Variants in ZNF385D observed in about 807,000 individuals in gnomAD.
ZNF385D encodes zinc finger protein 659.
ZNF385D carries 15 observed loss-of-function variants against 35.8 expected under a neutral mutation model. That is an observed-to-expected ratio of 0.42 (90% CI 0.28 to 0.64). ZNF385D has a LOEUF of 0.64. ZNF385D is among the 30% of genes least tolerant of loss of function. The pLI, the probability that ZNF385D is intolerant of heterozygous loss-of-function variation, is 0.23. For missense variants in ZNF385D, 474 were observed against 494.6 expected, an observed-to-expected ratio of 0.96 and a Z score of 0.39; for synonymous variants, 212 against 186.8, an observed-to-expected ratio of 1.13 and a Z score of -1.10.
At chr3:21,983,333 G>T (rs1694617555) in intron 3 of ZNF385D, among the ~76,000 whole-genome samples, 1 of 99,228 alleles carries the variant, frequency 1.0e-5, no homozygotes, top group Admixed American at 1.3e-4. Flanking sequence ...CCACACCACA[G>T]TCCCCAGAGT....
chr3:22,020,642 T>C (rs1279924806), intron 3 of ZNF385D, among the ~76,000 whole-genome samples: 3 of 152,014 alleles, frequency 2.0e-5, no homozygotes, highest in Admixed American at 6.6e-5. Context: ...TTGGTGAGGA[T>C]GCCAAGAAAA....
intron 2 of ZNF385D, among the ~76,000 whole-genome samples, chr3:21,624,318 A>G (rs558846503): frequency 6.6e-6 from 1 of 152,154 alleles, no homozygotes; most frequent in East Asian, 1.9e-4. Context: ...ACCATGTCAT[A>G]TGTCTGCTTT....
intron 2 of ZNF385D, among the ~76,000 whole-genome samples, chr3:22,253,077 G>A (rs1173632840): frequency 6.6e-6 from 1 of 152,058 alleles, no homozygotes; most frequent in Admixed American, 6.6e-5. Context: ...AGATGACAAA[G>A]GAGAAGGTGT....
rs78945844 is a variant in ZNF385D at position 22,128,765 on chromosome 3, T to C, written c.325+40052A>G. On this transcript the variant is annotated intron_variant, in intron 3 of 5. Transcript: ENST00000494108. ...ATTCTTTTTAGTTATTTCAATGGCT[T>C]TGTTAAATTTATATAAGATTTTGAA... Among the ~76,000 whole-genome samples, 1,275 of 152,224 alleles carry C rather than the reference T, an allele frequency of 8.4e-3. 13 individuals carry two copies. The highest frequency in any genetic ancestry group is 0.014 in the Admixed American group (219 of 15,260).
chr3:21,581,846 AC>A (rs764425414), intron 2 of ZNF385D, among the ~76,000 whole-genome samples: 19 of 152,206 alleles, frequency 1.2e-4, no homozygotes, highest in Non-Finnish European at 2.1e-4. Context: ...TGTTAAAGGT[AC>A]AGAGCCAGGG....
Position 21,812,849 on chromosome 3 carries a change from T to A in ZNF385D, c.326-147821A>T, listed in dbSNP as rs537927354. ...CTGACAGCTTTGAAGAGAGTAGTAG[T>A]TCTCCCAGCATGGAGTTTGAGATCT... On this transcript the variant is annotated intron_variant, in intron 3 of 5. Transcript: ENST00000494108. 4.5e-3 allele frequency among the ~76,000 whole-genome samples: 687 copies of A among 152,274 alleles called. 5 individuals are homozygous for A. Among genetic ancestry groups the A allele is most frequent in the African/African-American group, 0.016 (663 of 41,576 alleles).
At chr3:21,724,875 TA>T (rs1368596970) in intron 1 of ZNF385D, among the ~76,000 whole-genome samples, 4 of 152,160 alleles carry the variant, frequency 2.6e-5, no homozygotes, top group African/African-American at 9.7e-5. Context: ...ATCAACAGAA[TA>T]TACATTCTTC....
At chr3:21,501,147 A>C (rs560826410) in intron 4 of ZNF385D, among the ~76,000 whole-genome samples, 1 of 152,104 alleles carries the variant, frequency 6.6e-6, no homozygotes, top group South Asian at 2.1e-4. Context: ...TCCAGCCTCT[A>C]TATATACCTG....
chr3:22,133,368 T>G (rs552514116), intron 3 of ZNF385D, among the ~76,000 whole-genome samples: 3 of 151,882 alleles, frequency 2.0e-5, no homozygotes, highest in African/African-American at 7.3e-5. Flanking sequence ...TATCTCTATA[T>G]GGGGTGTGCC....
chr3:21,617,831 G>A (rs2064892576), intron 2 of ZNF385D, among the ~76,000 whole-genome samples: 1 of 152,142 alleles, frequency 6.6e-6, no homozygotes, highest in South Asian at 2.1e-4. Flanking sequence ...TGAGGAAACT[G>A]GCCTTCTTTC....
chr3:21,795,932 A>C (rs1484275981), intron 3 of ZNF385D, among the ~76,000 whole-genome samples: 1 of 152,224 alleles, frequency 6.6e-6, no homozygotes, highest in East Asian at 1.9e-4. Context: ...ATTTGCTACA[A>C]AGGTAAGTAA....
At chr3:22,151,001 T>C (rs948641270) in intron 3 of ZNF385D, among the ~76,000 whole-genome samples, 14 of 152,208 alleles carry the variant, frequency 9.2e-5, no homozygotes, top group African/African-American at 3.1e-4. Flanking sequence ...GACTTCTATC[T>C]AGAGAGAGAA....
At chr3:21,501,748 A>G (rs1019053489) in intron 4 of ZNF385D, among the ~76,000 whole-genome samples, 3 of 152,188 alleles carry the variant, frequency 2.0e-5, no homozygotes, top group Admixed American at 6.5e-5. Flanking sequence ...TGTCTACTCA[A>G]TTCCTAAGAA....
In ZNF385D at chr3:21,562,767, G is replaced by T. The variant is rs150333826; in HGVS notation, c.276+1807C>A. On this transcript the variant is annotated intron_variant, in intron 3 of 7. Transcript: ENST00000281523. ...AAAACTATATAATTGTTTGCTGAGT[G>T]TTTAAAAATGATCAAAGTTGAAGCT... Among the ~76,000 whole-genome samples, 21 of 152,200 alleles carry T rather than the reference G, an allele frequency of 1.4e-4. No individual in the cohort carries two copies. In the East Asian group the frequency reaches 3.9e-3, roughly 28 times the overall value.
chr3:21,482,822 T>C (rs969234313), intron 4 of ZNF385D, among the ~76,000 whole-genome samples: 2 of 152,102 alleles, frequency 1.3e-5, no homozygotes, highest in Non-Finnish European at 2.9e-5. Context: ...GGTGGTGGTT[T>C]CCTTAATTTT....
intron 2 of ZNF385D, among the ~76,000 whole-genome samples, chr3:22,328,885 C>G (rs1210081839): frequency 6.6e-6 from 1 of 151,858 alleles, no homozygotes. Flanking sequence ...ACCATCCTGG[C>G]TAACACGGTG....
intron 3 of ZNF385D, among the ~76,000 whole-genome samples, chr3:21,828,310 T>C (rs1017618024): frequency 2.6e-5 from 4 of 152,280 alleles, no homozygotes; most frequent in African/African-American, 7.2e-5. Context: ...TTCAGGGAAA[T>C]AGGTGTTCAT....
intron 3 of ZNF385D, among the ~76,000 whole-genome samples, chr3:21,975,403 G>T (rs1703532689): frequency 6.6e-6 from 1 of 152,074 alleles, no homozygotes; most frequent in Non-Finnish European, 1.5e-5. Flanking sequence ...GTTACCAGAG[G>T]TTGGAAGGGT....
At chr3:22,289,468 T>C (rs2125394755) in intron 2 of ZNF385D, among the ~76,000 whole-genome samples, 1 of 152,282 alleles carries the variant, frequency 6.6e-6, no homozygotes, top group East Asian at 1.9e-4. Context: ...TCCAAAGGTT[T>C]ATTGTTTCTC....
Sources: gnomAD v4.1 joint callset for allele counts (sites outside exome capture counted in the v4.1 genomes callset) on GRCh38, gnomAD v4.1.1 for gene constraint, MANE v1.5 for transcripts, NCBI Gene and HGNC (gene_info 2026-07-23, HGNC 2026-07-21) for gene names.